CCDC7: variants seen among roughly 807,000 people sequenced by gnomAD.
CCDC7 encodes coiled-coil domain-containing protein 7.
Under a neutral mutation model 196.9 loss-of-function variants are expected in CCDC7, and 183 were observed. The observed-to-expected ratio is 0.93, with a 90% CI of 0.82 to 1.05. CCDC7 has a LOEUF of 1.05. CCDC7 is among the 50% of genes least tolerant of loss of function. The pLI is 0.00. For missense variants in CCDC7, 1,540 were observed against 1,482.2 expected (o/e 1.04, Z -0.64); for synonymous variants, 525 against 484.6 (o/e 1.08, Z -1.10).
intron 3 of CCDC7, among the ~76,000 whole-genome samples, 195 bp downstream of exon 4, chr10:32,456,529 C>G (rs914157369): frequency 1.3e-5 from 2 of 151,744 alleles, no homozygotes; most frequent in Non-Finnish European, 2.9e-5. Flanking sequence ...TTACTATGCC[C>G]AAATGCAAAG....
chr10:32,730,605 CAG>C (rs1436885548), intron 28 of CCDC7, among the ~76,000 whole-genome samples: 1 of 151,668 alleles, frequency 6.6e-6, no homozygotes, highest in Non-Finnish European at 1.5e-5. Flanking sequence ...TAAAAATTAA[CAG>C]AACAGCTTTT....
intron 13 of CCDC7, among the ~76,000 whole-genome samples, chr10:32,555,783 G>T (rs1283467151): frequency 6.6e-6 from 1 of 152,052 alleles, no homozygotes; most frequent in Non-Finnish European, 1.5e-5. Flanking sequence ...ATTCCAAAAC[G>T]TAGTAACTTA....
At chr10:32,549,168 G>A (rs1164236273) in intron 13 of CCDC7, among the ~76,000 whole-genome samples, 1 of 152,188 alleles carries the variant, frequency 6.6e-6, no homozygotes, top group Non-Finnish European at 1.5e-5. Flanking sequence ...CATTCATGAT[G>A]TTGAGCATTT....
At chr10:32,676,824 G>C (rs2075062195) in intron 21 of CCDC7, among the ~76,000 whole-genome samples, 1 of 152,132 alleles carries the variant, frequency 6.6e-6, no homozygotes, top group Admixed American at 6.5e-5. Context: ...ATTCCTCAGG[G>C]ATCTAGAACT....
intron 18 of CCDC7, among the ~76,000 whole-genome samples, chr10:32,610,598 G>T (rs2062013693): frequency 6.6e-6 from 1 of 152,022 alleles, no homozygotes; most frequent in Non-Finnish European, 1.5e-5. Context: ...ACAGGCCCTG[G>T]TTTGTGATGT....
At chr10:32,811,594 A>G (rs922459473) in intron 30 of CCDC7, among the ~76,000 whole-genome samples, 1 of 152,106 alleles carries the variant, frequency 6.6e-6, no homozygotes, top group Non-Finnish European at 1.5e-5. Context: ...AGGTCTAGAA[A>G]TGTTCCCAAC....
intron 5 of CCDC7, among the ~76,000 whole-genome samples, chr10:32,468,796 TTATGCACA>T (rs2037362881): frequency 6.6e-6 from 1 of 152,184 alleles, no homozygotes; most frequent in Non-Finnish European, 1.5e-5. Flanking sequence ...CAAGGGATTC[TTATGCACA>T]CTAACATTTG....
intron 7 of CCDC7, 51 bp from the exon 9 acceptor site, chr10:32,473,916 A>ATAT (rs1309969040): frequency 5.3e-6 from 8 of 1,517,698 alleles, no homozygotes; most frequent in Middle Eastern, 1.9e-4. Flanking sequence ...CTCAATTAGT[A>ATAT]TATATAATTG....
chr10:32,729,547 G>T, intron 28 of CCDC7, 90 bp downstream of exon 29: 1 of 544,042 alleles, frequency 1.8e-6, no homozygotes, highest in East Asian at 3.4e-5. Context: ...TCAACCATAT[G>T]CTTCTTCTGC....
rs571801869 is a variant in CCDC7, at chr10:32,573,966, C to T, written c.1454+2073C>T. 6.6e-5 allele frequency among the ~76,000 whole-genome samples: 10 copies of T among 152,140 alleles called. No individual in the cohort carries two copies. In the South Asian group the frequency reaches 1.9e-3, roughly 28 times the overall value. On this transcript the variant is annotated intron_variant, in intron 16 of 41. Coordinates refer to ENST00000639629, the Ensembl canonical transcript of CCDC7. Reference sequence around the variant, plus strand: ...AAAAATAAGTGAAGTATAATGCAGACGTTGCATTCTATAAAACATTACCAA... The same window carrying T: ...AAAAATAAGTGAAGTATAATGCAGATGTTGCATTCTATAAAACATTACCAA...
At chr10:32,464,908 A>G (rs977179410) in intron 5 of CCDC7, among the ~76,000 whole-genome samples, 3 of 152,134 alleles carry the variant, frequency 2.0e-5, no homozygotes, top group Non-Finnish European at 4.4e-5. Context: ...ATGCTCTTCT[A>G]TCTCTTATTT....
chr10:32,674,301 C>A (rs866754963), intron 21 of CCDC7, among the ~76,000 whole-genome samples: 27 of 152,004 alleles, frequency 1.8e-4, no homozygotes, highest in African/African-American at 5.5e-4. Context: ...TTTTTAAAAT[C>A]TCAAGATAGT....
At chr10:32,816,335 C>T (rs2088530701) in intron 31 of CCDC7, among the ~76,000 whole-genome samples, 1 of 152,202 alleles carries the variant, frequency 6.6e-6, no homozygotes, top group East Asian at 1.9e-4. Context: ...ACAAAGCAGC[C>T]AGGAAGCTCA....
At chr10:32,729,294 C>A (rs761945153) in intron 27 of CCDC7, 38 bp from the exon 29 acceptor site, 1 of 1,509,236 alleles carries the variant, frequency 6.6e-7, no homozygotes, top group Non-Finnish European at 8.9e-7. Flanking sequence ...CTTGGCATAT[C>A]CAGAAGTTCT....
chr10:32,749,178 A>G (rs1370883725), intron 28 of CCDC7, among the ~76,000 whole-genome samples: 1 of 152,168 alleles, frequency 6.6e-6, no homozygotes, highest in African/African-American at 2.4e-5. Flanking sequence ...CGTCTTTTCT[A>G]TGAAGTATCT....
At chr10:32,805,250 A>G in intron 30 of CCDC7, 152 bp downstream of exon 31, 1 of 601,842 alleles carries the variant, frequency 1.7e-6, no homozygotes, top group Non-Finnish European at 3.0e-6. Flanking sequence ...TTACTCTAGA[A>G]CATATTTACT....
At chr10:32,580,992 A>G (rs867193463) in intron 16 of CCDC7, among the ~76,000 whole-genome samples, 24 of 152,304 alleles carry the variant, frequency 1.6e-4, no homozygotes, top group Middle Eastern at 3.4e-3. Flanking sequence ...GTCCATGATT[A>G]TATGCATAAT....
chr10:32,772,909 C>T (rs1191202063), intron 28 of CCDC7, among the ~76,000 whole-genome samples: 1 of 152,106 alleles, frequency 6.6e-6, no homozygotes, highest in African/African-American at 2.4e-5. Context: ...CAGCCTTTTG[C>T]TTCTTTCAAA....
intron 16 of CCDC7, among the ~76,000 whole-genome samples, chr10:32,579,626 A>G (rs540929359): frequency 6.6e-6 from 1 of 152,310 alleles, no homozygotes; most frequent in African/African-American, 2.4e-5. Flanking sequence ...GATTTATTAC[A>G]TAAAAAGGAT....
Sources: allele counts gnomAD v4.1 joint callset (sites outside exome capture counted in the v4.1 genomes callset), GRCh38; gene constraint gnomAD v4.1.1; transcripts MANE v1.5; gene names NCBI Gene and HGNC (gene_info 2026-07-23, HGNC 2026-07-21).